The following ACSF3 variants were observed in gnomAD, a reference collection of about 807,000 sequenced individuals.
ACSF3 encodes malonate--CoA ligase ACSF3, mitochondrial.
ACSF3 carries 78 observed loss-of-function variants against 53.2 expected under a neutral mutation model. That is an observed-to-expected ratio of 1.47 (90% confidence interval 1.22 to 1.77). ACSF3 has a LOEUF of 1.77. ACSF3 is among the 40% of genes most tolerant of loss of function. ACSF3 has a pLI of 0.00. For synonymous variants in ACSF3, 414 were observed against 333.1 expected (o/e 1.24, Z -2.65); for missense variants, 937 against 771.1 (o/e 1.22, Z -2.55).
At chr16:89,112,911 T>C (rs1024327698) in intron 5 of ACSF3, among the ~76,000 whole-genome samples, 1 of 152,200 alleles carries the variant, frequency 6.6e-6, no homozygotes, top group Non-Finnish European at 1.5e-5. Flanking sequence ...TTCTGCTGCT[T>C]TTCCTCTCAG....
Position 89,154,703 on chromosome 16 carries a change from G to A in ACSF3, c.*496G>A, listed in dbSNP as rs772053974. On this transcript the variant is annotated 3_prime_UTR_variant, in exon 11 of 11. Coordinates refer to ENST00000614302, the MANE Select transcript of ACSF3 (RefSeq NM_001243279.3). ...GGGGCCCTCCTGGGAGGAGCTGAGGGTTCACAAGCCTCCCAGAACCAGCCC... is the reference window on the plus strand; with the variant it reads ...GGGGCCCTCCTGGGAGGAGCTGAGGATTCACAAGCCTCCCAGAACCAGCCC... 2.9e-5 allele frequency: 13 copies of A among 454,114 alleles called. 2 individuals are homozygous for A. The highest frequency in any genetic ancestry group is 1.9e-4 in the South Asian group (12 of 64,484). The allele number at this position is 454,114 out of a possible 1,614,324, so 28.1% of individuals were successfully genotyped here.
intron 1 of ACSF3, among the ~76,000 whole-genome samples, chr16:89,096,242 G>GT (rs1205860537): frequency 1.5e-4 from 21 of 143,780 alleles, no homozygotes; most frequent in Non-Finnish European, 1.5e-5. Flanking sequence ...CTGGCTGAGG[G>GT]TGGAAGCCCC....
chr16:89,139,149 C>T (rs892164628), intron 8 of ACSF3, among the ~76,000 whole-genome samples: 2 of 152,178 alleles, frequency 1.3e-5, no homozygotes, highest in African/African-American at 4.8e-5. Context: ...AGAACTGAGC[C>T]CAGGAGACAC....
At chr16:89,153,672 C>T (rs992268104) in intron 10 of ACSF3, 1 of 313,694 alleles carries the variant, frequency 3.2e-6, no homozygotes, top group Non-Finnish European at 6.2e-6. Context: ...CCACCCACTC[C>T]CCAGCCTCTT....
intron 10 of ACSF3, chr16:89,152,105 C>T (rs1290593950): frequency 6.6e-6 from 1 of 152,296 alleles, no homozygotes; most frequent in Non-Finnish European, 1.5e-5. Context: ...GCGTTTTCCT[C>T]CTGTGACCAG....
At chr16:89,134,337 T>C (rs1041991089) in intron 8 of ACSF3, among the ~76,000 whole-genome samples, 15 of 152,176 alleles carry the variant, frequency 9.9e-5, no homozygotes, top group African/African-American at 3.1e-4. Context: ...CAGTGACTAG[T>C]GTTCAGCTTG....
At chr16:89,142,912 C>G (rs1482090092) in intron 8 of ACSF3, among the ~76,000 whole-genome samples, 1 of 152,206 alleles carries the variant, frequency 6.6e-6, no homozygotes, top group African/African-American at 2.4e-5. Context: ...GCACTCATTC[C>G]TTGTATTCAT....
At chr16:89,119,431 G>A (rs897634582) in intron 6 of ACSF3, among the ~76,000 whole-genome samples, 5 of 152,214 alleles carry the variant, frequency 3.3e-5, no homozygotes, top group Admixed American at 6.5e-5. Flanking sequence ...AGGGTGTGGC[G>A]GTCGTGGGCT....
In ACSF3 at chr16:89,101,331, A is replaced by G. The variant is rs2151409661; in HGVS notation, c.650A>G (p.Gln217Arg). The G allele has an allele frequency of 1.9e-6, 3 of 1,590,468 alleles. No individual in the cohort carries two copies. In the South Asian group the frequency reaches 3.4e-5, roughly 18 times the overall value. ...GRPKGVLSTH[Q>R]NIRAVVTGLV... ...CCCAAGGGCGTGCTGAGCACGCACC[A>G]AAACATCAGGGCTGTGGTGAGTGCC... Residue 217 changes from glutamine (Q) to arginine (R), a missense_variant, in exon 3 of 11, where the codon CAA becomes CGA. By Grantham distance (43) the Gln-to-Arg change is conservative. Coordinates refer to ENST00000614302, the MANE Select transcript of ACSF3 (RefSeq NM_001243279.3).
chr16:89,154,195 C>G lies in ACSF3; in HGVS notation c.1719C>G (p.Phe573Leu), dbSNP rs1914461577. 1 of 1,613,540 alleles carries G rather than the reference C, an allele frequency of 6.2e-7. No individual in the cohort carries two copies. Among genetic ancestry groups the G allele is most frequent in the South Asian group, 1.1e-5 (1 of 90,926 alleles). The change falls in exon 11 of 11, where the codon TTC becomes TTG. Residue 573 changes from phenylalanine to leucine, a missense_variant. Transcript: ENST00000614302. The stretch of plus-strand genomic sequence containing the variant: ...ACAAGAAGGCGCTCATCAGGCACTT[C>G]CACCCCTCATGACCCGGCAGACTGG... ...KIDKKALIRH[F>L]HPS
chr16:89,109,451 G>A (rs1228173332), intron 4 of ACSF3, among the ~76,000 whole-genome samples: 23 of 110,616 alleles, frequency 2.1e-4, no homozygotes, highest in Admixed American at 2.0e-3. Flanking sequence ...TCACTCTGTC[G>A]CTCAGGCTGG....
intron 8 of ACSF3, among the ~76,000 whole-genome samples, chr16:89,142,574 CCCACACCTGCAGAGACACAG>C (rs1241894518): frequency 1.4e-4 from 17 of 125,628 alleles, no homozygotes; most frequent in African/African-American, 4.8e-4. Flanking sequence ...TGCAGACACA[CCCACACCTGCAGAGACACAG>C]CCACACCTGC....
chr16:89,125,680 G>A (rs1907865320), intron 7 of ACSF3, among the ~76,000 whole-genome samples: 1 of 143,668 alleles, frequency 7.0e-6, no homozygotes, highest in Non-Finnish European at 1.5e-5. Flanking sequence ...AACAGAGTGA[G>A]ACTGCCTCAA....
intron 7 of ACSF3, among the ~76,000 whole-genome samples, chr16:89,131,285 C>G (rs1909277473): frequency 6.6e-6 from 1 of 151,698 alleles, no homozygotes; most frequent in African/African-American, 2.4e-5. Flanking sequence ...ACCACCACAC[C>G]TGGCTAGTTT....
intron 8 of ACSF3, chr16:89,141,074 A>C: frequency 7.9e-7 from 1 of 1,273,522 alleles, no homozygotes; most frequent in South Asian, 1.2e-5. Flanking sequence ...CAGTGATCGC[A>C]AGTTGCCCTG....
intron 8 of ACSF3, among the ~76,000 whole-genome samples, chr16:89,142,839 G>A (rs182244243): frequency 4.6e-5 from 7 of 152,230 alleles, no homozygotes; most frequent in African/African-American, 9.6e-5. Flanking sequence ...ACGGGGTCTC[G>A]CAGTGGGCGG....
intron 1 of ACSF3, among the ~76,000 whole-genome samples, chr16:89,097,994 T>TACC (rs1007065078): frequency 6.6e-6 from 1 of 151,980 alleles, no homozygotes; most frequent in African/African-American, 2.4e-5. Flanking sequence ...AGCCCCAGGC[T>TACC]ACCTGGGAGG....
chr16:89,103,885 G>C (rs1177841660), intron 4 of ACSF3, among the ~76,000 whole-genome samples: 1 of 152,250 alleles, frequency 6.6e-6, no homozygotes, highest in Non-Finnish European at 1.5e-5. Flanking sequence ...CCGAGCTGCT[G>C]CGCGCAGCCT....
intron 7 of ACSF3, among the ~76,000 whole-genome samples, chr16:89,123,088 A>AT (rs1476484757): frequency 6.6e-6 from 1 of 152,194 alleles, no homozygotes; most frequent in East Asian, 1.9e-4. Context: ...TGCTGACAGC[A>AT]GGCCCGGGAA....
Sources: gnomAD v4.1 joint callset for allele counts (sites outside exome capture counted in the v4.1 genomes callset) on GRCh38, gnomAD v4.1.1 for gene constraint, MANE v1.5 for transcripts, NCBI Gene and HGNC (gene_info 2026-07-23, HGNC 2026-07-21) for gene names.